SNTG1: variants seen among roughly 807,000 people sequenced by gnomAD.
SNTG1 encodes gamma-1-syntrophin.
A neutral mutation model predicts 74.7 loss-of-function variants in SNTG1; 39 were observed. The observed-to-expected ratio is 0.52, with a 90% confidence interval of 0.40 to 0.68. The LOEUF is 0.68. Among genes scored for constraint, SNTG1 ranks in the 30% least tolerant of loss-of-function variants. The probability of loss-of-function intolerance (pLI) is 0.00; values close to 1 mark genes in which losing one functional copy is unlikely to be tolerated. For missense variants in SNTG1, 685 were observed against 609.5 expected, an observed-to-expected ratio of 1.12 and a Z score of -1.30; for synonymous variants, 254 against 217.1, an observed-to-expected ratio of 1.17 and a Z score of -1.49.
chr8:50,402,210 A>G lies in SNTG1; in HGVS notation c.28A>G (p.Thr10Ala). 1 of 1,587,876 alleles carries G rather than the reference A, an allele frequency of 6.3e-7. No individual in the cohort carries two copies. The highest frequency in any genetic ancestry group is 8.5e-7 in the Non-Finnish European group (1 of 1,173,428). MDFRTACEE[T>A]KTGICLLQDG... is the part of the protein sequence containing the mutation. ...GTTTGTTTTTTTTTTTAATCTGAAG[A>G]CAAAGACAGGAATTTGTTTGCTGCA... The change falls in exon 4 of 19, where the codon ACA becomes GCA. Residue 10 changes from threonine (T) to alanine (A), a missense_variant and splice_region_variant. Thr to Ala is a moderately conservative substitution (Grantham distance 58). Transcript: ENST00000642720.
At chr8:49,957,323 T>C (rs1156806458) in intron 1 of SNTG1, among the ~76,000 whole-genome samples, 1 of 152,244 alleles carries the variant, frequency 6.6e-6, no homozygotes, top group Non-Finnish European at 1.5e-5. Flanking sequence ...GCTATGACAG[T>C]CCTACATAGA....
intron 15 of SNTG1, among the ~76,000 whole-genome samples, chr8:50,701,618 C>CTT (rs201341360): frequency 2.1e-4 from 29 of 136,978 alleles, no homozygotes; most frequent in South Asian, 7.1e-4. Context: ...TCTTCTTCTT[C>CTT]GTGTTCCTCT....
intron 13 of SNTG1, among the ~76,000 whole-genome samples, chr8:50,607,882 A>G (rs2094824082): frequency 6.6e-6 from 1 of 151,680 alleles, no homozygotes; most frequent in Non-Finnish European, 1.5e-5. Context: ...ACTGCATCTC[A>G]TTGAATTTGA....
intron 1 of SNTG1, among the ~76,000 whole-genome samples, chr8:50,039,707 C>T (rs907481200): frequency 2.0e-5 from 3 of 151,894 alleles, no homozygotes; most frequent in African/African-American, 4.8e-5. Context: ...TATTAGATTC[C>T]TCTGAGTGCT....
intron 1 of SNTG1, among the ~76,000 whole-genome samples, chr8:49,979,160 T>C (rs556688860): frequency 6.6e-6 from 1 of 152,192 alleles, no homozygotes; most frequent in Non-Finnish European, 1.5e-5. Flanking sequence ...CTGTCCCTTA[T>C]GGCTTAGCAA....
intron 12 of SNTG1, among the ~76,000 whole-genome samples, chr8:50,589,810 T>G (rs1202639124): frequency 6.6e-6 from 1 of 152,188 alleles, no homozygotes; most frequent in Non-Finnish European, 1.5e-5. Context: ...GCTATGCTGA[T>G]TTTAGCTGAA....
At chr8:50,365,073 AT>A (rs2092070901) in intron 2 of SNTG1, among the ~76,000 whole-genome samples, 1 of 152,126 alleles carries the variant, frequency 6.6e-6, no homozygotes, top group African/African-American at 2.4e-5. Context: ...TATACTACAA[AT>A]CTACTTGATT....
chr8:50,566,613 G>A (rs1312708684), intron 12 of SNTG1, among the ~76,000 whole-genome samples: 1 of 152,032 alleles, frequency 6.6e-6, no homozygotes, highest in Non-Finnish European at 1.5e-5. Context: ...CAAGCAACCA[G>A]TATTAAAAGG....
At chr8:50,759,268 A>G (rs1221461110) in intron 18 of SNTG1, among the ~76,000 whole-genome samples, 1 of 151,796 alleles carries the variant, frequency 6.6e-6, no homozygotes, top group Non-Finnish European at 1.5e-5. Context: ...TGGCCTGTTC[A>G]CTCTGATGAT....
chr8:50,571,350 G>T (rs2094548265), intron 12 of SNTG1, among the ~76,000 whole-genome samples: 2 of 152,174 alleles, frequency 1.3e-5, no homozygotes, highest in Admixed American at 1.3e-4. Context: ...CAGGAATGTG[G>T]GGTAATTGAT....
intron 2 of SNTG1, among the ~76,000 whole-genome samples, chr8:50,345,995 A>G (rs549597874): frequency 1.3e-5 from 2 of 152,280 alleles, no homozygotes; most frequent in African/African-American, 4.8e-5. Flanking sequence ...GTATTATGTG[A>G]ATATTTGATC....
chr8:50,489,532 A>G (rs1199418362), intron 8 of SNTG1, among the ~76,000 whole-genome samples: 1 of 152,198 alleles, frequency 6.6e-6, no homozygotes, highest in African/African-American at 2.4e-5. Flanking sequence ...ACCAGTGATG[A>G]TGAGCTTTTC....
intron 1 of SNTG1, among the ~76,000 whole-genome samples, chr8:49,932,583 A>G (rs1189883027): frequency 6.6e-6 from 1 of 152,022 alleles, no homozygotes; most frequent in Non-Finnish European, 1.5e-5. Context: ...ATGACAATTT[A>G]TTTGATCCCT....
At chr8:49,928,668 TA>T (rs1448193954) in intron 1 of SNTG1, among the ~76,000 whole-genome samples, 2 of 152,180 alleles carry the variant, frequency 1.3e-5, no homozygotes, top group Non-Finnish European at 2.9e-5. Flanking sequence ...GCTGTCAATG[TA>T]AAACTGCTTT....
chr8:49,940,456 G>A (rs1808584385), intron 1 of SNTG1, among the ~76,000 whole-genome samples: 1 of 152,060 alleles, frequency 6.6e-6, no homozygotes, highest in African/African-American at 2.4e-5. Context: ...ATTTCTACCT[G>A]CTTTATCTCT....
chr8:50,482,213 T>A (rs1238707268), intron 8 of SNTG1, among the ~76,000 whole-genome samples: 1 of 152,176 alleles, frequency 6.6e-6, no homozygotes, highest in African/African-American at 2.4e-5. Context: ...ATAGTAGATA[T>A]GAAAGTAAAA....
intron 1 of SNTG1, among the ~76,000 whole-genome samples, chr8:50,024,459 C>T (rs976724931): frequency 1.3e-5 from 2 of 152,088 alleles, no homozygotes; most frequent in Non-Finnish European, 2.9e-5. Context: ...ATGAAAATAA[C>T]TTATTTCATG....
At chr8:50,636,930 G>A (rs1024411615) in intron 13 of SNTG1, among the ~76,000 whole-genome samples, 5 of 152,070 alleles carry the variant, frequency 3.3e-5, no homozygotes, top group African/African-American at 1.2e-4. Context: ...ACTAAAACAG[G>A]TGTTCTTGAT....
At chr8:50,287,167 T>G (rs897284935) in intron 2 of SNTG1, among the ~76,000 whole-genome samples, 6 of 152,102 alleles carry the variant, frequency 3.9e-5, no homozygotes, top group Non-Finnish European at 7.4e-5. Flanking sequence ...CTCCCTGAGC[T>G]ATTACGTCCA....
Sources: gnomAD v4.1 joint callset for allele counts (sites outside exome capture counted in the v4.1 genomes callset) on GRCh38, gnomAD v4.1.1 for gene constraint, MANE v1.5 for transcripts, NCBI Gene and HGNC (gene_info 2026-07-23, HGNC 2026-07-21) for gene names.